Variants in GRIA4 observed in about 807,000 individuals in gnomAD.
GRIA4 encodes glutamate ionotropic receptor AMPA type subunit 4.
In GRIA4, 34 loss-of-function variants were observed where a neutral mutation model predicts 104.0. The observed-to-expected ratio is 0.33, with a 90% CI of 0.25 to 0.44. The LOEUF (loss-of-function observed/expected upper bound fraction) is 0.44. Among genes scored for constraint, GRIA4 ranks in the 20% least tolerant of loss-of-function variants. GRIA4 has a pLI of 1.00. For missense variants in GRIA4, 750 were observed against 1,096.5 expected, an observed-to-expected ratio of 0.68 and a Z score of 4.46; for synonymous variants, 386 against 381.9, an observed-to-expected ratio of 1.01 and a Z score of -0.13.
chr11:105,978,091 T>C (rs1452032642), intron 16 of GRIA4, among the ~76,000 whole-genome samples: 4 of 152,066 alleles, frequency 2.6e-5, no homozygotes. Flanking sequence ...GTTCTGCAGG[T>C]TTGATAAATT....
chr11:105,868,917 G>A (rs1945521690), intron 5 of GRIA4, among the ~76,000 whole-genome samples: 1 of 152,100 alleles, frequency 6.6e-6, no homozygotes, highest in Non-Finnish European at 1.5e-5. Flanking sequence ...TTGCTAAGAA[G>A]GTGAATTTTA....
chr11:105,678,286 CTA>C (rs1952604753), intron 3 of GRIA4, among the ~76,000 whole-genome samples: 1 of 152,008 alleles, frequency 6.6e-6, no homozygotes, highest in South Asian at 2.1e-4. Flanking sequence ...TAAGATAAAT[CTA>C]TTTCAGCATT....
In GRIA4 at chr11:105,841,117, T is replaced by C. The variant is rs60680996; in HGVS notation, c.488-20907T>C. 4.5e-3 allele frequency among the ~76,000 whole-genome samples: 692 copies of C among 152,286 alleles called. 10 individuals carry two copies. The highest frequency in any genetic ancestry group is 0.016 in the African/African-American group (660 of 41,558). ...CAGATGATTAGCACTTCTCTATATA[T>C]CTTAATGGCTTCTCTTTCACCCTTG... On this transcript the variant is annotated intron_variant, in intron 4 of 16. Coordinates refer to ENST00000282499, the MANE Select transcript of GRIA4 (RefSeq NM_000829.4).
intron 4 of GRIA4, among the ~76,000 whole-genome samples, chr11:105,845,980 G>C (rs1475204844): frequency 6.6e-6 from 1 of 152,136 alleles, no homozygotes; most frequent in African/African-American, 2.4e-5. Flanking sequence ...AGAGTACAGA[G>C]TAAACACTCA....
At chr11:105,649,824 C>A (rs1047284897) in intron 3 of GRIA4, among the ~76,000 whole-genome samples, 2 of 151,878 alleles carry the variant, frequency 1.3e-5, no homozygotes, top group Non-Finnish European at 2.9e-5. Context: ...TAGATTTGAG[C>A]ATTATTTTTA....
intron 14 of GRIA4, among the ~76,000 whole-genome samples, chr11:105,946,808 CAAG>C (rs1246807966): frequency 6.6e-6 from 1 of 151,492 alleles, no homozygotes; most frequent in Non-Finnish European, 1.5e-5. Flanking sequence ...ACTTGGGACT[CAAG>C]AAGAAGAAAA....
At chr11:105,920,922 C>A (rs564481760) in intron 11 of GRIA4, among the ~76,000 whole-genome samples, 1 of 152,170 alleles carries the variant, frequency 6.6e-6, no homozygotes, top group African/African-American at 2.4e-5. Context: ...TGTTTCTCAA[C>A]GTTTTTTTGT....
intron 5 of GRIA4, among the ~76,000 whole-genome samples, chr11:105,864,392 T>C (rs1175581909): frequency 6.6e-6 from 1 of 152,198 alleles, no homozygotes; most frequent in African/African-American, 2.4e-5. Context: ...TCCTTTTTCA[T>C]AAATTAAGAT....
At chr11:105,867,063 T>C (rs1228670911) in intron 5 of GRIA4, among the ~76,000 whole-genome samples, 1 of 152,112 alleles carries the variant, frequency 6.6e-6, no homozygotes, top group East Asian at 1.9e-4. Flanking sequence ...GCCACTTTCA[T>C]TATATGAAAG....
intron 16 of GRIA4, among the ~76,000 whole-genome samples, chr11:105,977,840 A>G (rs943505915): frequency 6.6e-6 from 1 of 152,048 alleles, no homozygotes; most frequent in Non-Finnish European, 1.5e-5. Context: ...ACTTCAAAAA[A>G]CAAGACTATT....
At chr11:105,779,650 CA>C (rs891397873) in intron 4 of GRIA4, among the ~76,000 whole-genome samples, 2 of 149,918 alleles carry the variant, frequency 1.3e-5, no homozygotes, top group East Asian at 2.0e-4. Context: ...AAAAAAACAA[CA>C]AAAAAAACTA....
chr11:105,654,029 A>G lies in GRIA4; in HGVS notation c.247+41595A>G, dbSNP rs554968715. The stretch of plus-strand genomic sequence containing the variant: ...AAAAAAAAAAAAAAAAAAAAAAAAG[A>G]AAACAAAAAAGAAGAAGAAGGAAAT... On this transcript the variant is annotated intron_variant, in intron 3 of 16. Coordinates refer to ENST00000282499, the MANE Select transcript of GRIA4 (RefSeq NM_000829.4). Among the ~76,000 whole-genome samples, 192 of 119,512 alleles carry G rather than the reference A, an allele frequency of 1.6e-3. 2 individuals are homozygous for G. Among genetic ancestry groups the G allele is most frequent in the South Asian group, 0.011 (41 of 3,696 alleles). 78.4% of individuals were successfully genotyped at this position (119,512 alleles called of 152,430 possible). A position where few individuals can be genotyped will look rare whatever the true frequency, so the allele number is the denominator to read the frequency against.
chr11:105,778,195 G>C (rs1488368596), intron 4 of GRIA4, among the ~76,000 whole-genome samples: 1 of 152,148 alleles, frequency 6.6e-6, no homozygotes, highest in Non-Finnish European at 1.5e-5. Flanking sequence ...AACAACTGAA[G>C]GCAGTGCTTT....
intron 14 of GRIA4, among the ~76,000 whole-genome samples, chr11:105,950,748 G>C (rs1378629194): frequency 6.6e-6 from 1 of 152,122 alleles, no homozygotes; most frequent in Non-Finnish European, 1.5e-5. Context: ...TTTAGCCTGA[G>C]AGAACTGAAA....
chr11:105,773,245 G>C (rs1483605907), intron 4 of GRIA4, among the ~76,000 whole-genome samples: 1 of 151,934 alleles, frequency 6.6e-6, no homozygotes, highest in East Asian at 1.9e-4. Flanking sequence ...CCTTAAGAGG[G>C]AGAAAGAAGA....
chr11:105,781,697 T>G (rs1346288089), intron 4 of GRIA4, among the ~76,000 whole-genome samples: 1 of 152,082 alleles, frequency 6.6e-6, no homozygotes, highest in Non-Finnish European at 1.5e-5. Flanking sequence ...TAACAATCAT[T>G]TACAAACCCC....
intron 3 of GRIA4, among the ~76,000 whole-genome samples, chr11:105,667,916 T>C (rs1414198633): frequency 1.3e-5 from 2 of 151,924 alleles, no homozygotes; most frequent in African/African-American, 2.4e-5. Flanking sequence ...GTATTATATA[T>C]AGTCACTATG....
chr11:105,952,745 A>C lies in GRIA4; in HGVS notation c.2294+18776A>C, dbSNP rs73550980. On this transcript the variant is annotated intron_variant, in intron 14 of 16. Transcript: ENST00000282499. Reference sequence around the variant, plus strand: ...ATTACATATATGTCATCTAAAACCCAAACCAAAGACACTAAATCCTTCCTT... The same window carrying C: ...ATTACATATATGTCATCTAAAACCCCAACCAAAGACACTAAATCCTTCCTT... 3.2e-3 allele frequency among the ~76,000 whole-genome samples: 490 copies of C among 152,312 alleles called. 6 individuals carry two copies. The highest frequency in any genetic ancestry group is 0.011 in the African/African-American group (467 of 41,576).
chr11:105,627,965 C>A (rs907863990), intron 3 of GRIA4, among the ~76,000 whole-genome samples: 4 of 152,016 alleles, frequency 2.6e-5, no homozygotes, highest in South Asian at 2.1e-4. Context: ...GTACTACAAC[C>A]GTGACTTGCC....
Sources: allele counts gnomAD v4.1 joint callset (sites outside exome capture counted in the v4.1 genomes callset), GRCh38; gene constraint gnomAD v4.1.1; transcripts MANE v1.5; gene names NCBI Gene and HGNC (gene_info 2026-07-23, HGNC 2026-07-21).